GRIK2: variants seen among roughly 807,000 people sequenced by gnomAD.
The protein encoded by GRIK2 is glutamate receptor ionotropic, kainate 2.
In GRIK2, 32 loss-of-function variants were observed where a neutral mutation model predicts 100.3. The observed-to-expected ratio is 0.32, with a 90% CI of 0.24 to 0.43. GRIK2 has a LOEUF of 0.43. Ranked by LOEUF, GRIK2 falls within the 20% of genes least tolerant of loss-of-function variation. The probability of loss-of-function intolerance (pLI) is 1.00; values close to 1 mark genes in which losing one functional copy is unlikely to be tolerated. For synonymous variants in GRIK2, 417 were observed against 389.4 expected, an observed-to-expected ratio of 1.07 and a Z score of -0.83; for missense variants, 843 against 1,114.9, an observed-to-expected ratio of 0.76 and a Z score of 3.47.
intron 10 of GRIK2, among the ~76,000 whole-genome samples, chr6:101,826,758 C>T (rs980918970): frequency 2.6e-5 from 4 of 151,788 alleles, no homozygotes; most frequent in Non-Finnish European, 5.9e-5. Flanking sequence ...TAACAACCAA[C>T]TGAAGGAATT....
Position 102,055,455 on chromosome 6 carries a change from A to G in GRIK2, c.2437A>G (p.Ser813Gly). ...CCCAGAAGAGGAGAGCAAAGAGGCC[A>G]GTGCCCTGGGGGTTCAGAATATTGG... ...GCPEEESKEA[S>G]ALGVQNIGGI... The change falls in exon 16 of 17, where the codon AGT becomes GGT. Residue 813 changes from serine to glycine, a missense_variant. Around this residue, in one of 3 missense-constraint regions of GRIK2, gnomAD observed 237 missense variants for 388.0 expected, o/e 0.61. Transcript: ENST00000369134. 6.2e-7 allele frequency: 1 copy of G among 1,613,886 alleles called. No individual in the cohort carries two copies. The highest frequency in any genetic ancestry group is 8.5e-7 in the Non-Finnish European group (1 of 1,179,850).
intron 2 of GRIK2, among the ~76,000 whole-genome samples, chr6:101,572,452 A>T (rs746457546): frequency 3.3e-5 from 5 of 152,170 alleles, no homozygotes; most frequent in Non-Finnish European, 4.4e-5. Context: ...TGCTATAAGC[A>T]TTTTAAATAC....
At chr6:101,922,076 T>TTTCCTTCCCTCC (rs1789558781) in intron 12 of GRIK2, among the ~76,000 whole-genome samples, 1 of 110,220 alleles carries the variant, frequency 9.1e-6, no homozygotes, top group East Asian at 3.1e-4. Context: ...CCTTTCTCCA[T>TTTCCTTCCCTCC]TTCCTTCCTT....
chr6:101,593,375 G>A (rs1008268382), intron 2 of GRIK2, among the ~76,000 whole-genome samples: 3 of 151,784 alleles, frequency 2.0e-5, no homozygotes, highest in African/African-American at 7.3e-5. Flanking sequence ...GTCGTGTAAT[G>A]AGCATCATAA....
In GRIK2 at chr6:101,906,366, C is replaced by CTGTGTGTGTGTGTGTGTGTGTGTGTG. The variant is rs141112872; in HGVS notation, c.1748+16522_1748+16523insGTGTGTGTGTGTGTGTGTGTGTGTGT. Among the ~76,000 whole-genome samples, 1,170 of 145,892 alleles carry CTGTGTGTGTGTGTGTGTGTGTGTGTG rather than the reference C, an allele frequency of 8.0e-3. 6 individuals carry two copies. Among genetic ancestry groups the CTGTGTGTGTGTGTGTGTGTGTGTGTG allele is most frequent in the Middle Eastern group, 0.024 (7 of 290 alleles). On this transcript the variant is annotated intron_variant, in intron 12 of 16. Transcript: ENST00000369134. The stretch of plus-strand genomic sequence containing the variant: ...TTGAATCATAACTATAAAACAAGAT[C>CTGTGTGTGTGTGTGTGTGTGTGTGTG]TGTGTGTGTGTGTGTGTGTTTGTGT...
chr6:101,700,186 G>C (rs1459212730), intron 7 of GRIK2, among the ~76,000 whole-genome samples: 2 of 151,464 alleles, frequency 1.3e-5, no homozygotes, highest in East Asian at 3.9e-4. Flanking sequence ...CCTATACAAA[G>C]AGAATTTGAT....
chr6:101,588,683 CAGAAAAG>C (rs1473249480), intron 2 of GRIK2, among the ~76,000 whole-genome samples: 36 of 140,640 alleles, frequency 2.6e-4, no homozygotes, highest in African/African-American at 9.7e-4. Context: ...CACACACACA[CAGAAAAG>C]AAAGAAAGAA....
chr6:101,652,886 C>T (rs780481602), intron 4 of GRIK2, among the ~76,000 whole-genome samples: 17 of 151,580 alleles, frequency 1.1e-4, no homozygotes, highest in Non-Finnish European at 2.4e-4. Context: ...AGTTGAAATG[C>T]GTTTGTGTTT....
intron 2 of GRIK2, among the ~76,000 whole-genome samples, chr6:101,591,623 T>C (rs920303329): frequency 6.6e-6 from 1 of 151,988 alleles, no homozygotes; most frequent in Non-Finnish European, 1.5e-5. Flanking sequence ...TAGTCCCATA[T>C]TAAAATAGAA....
At chr6:101,466,192 A>G (rs1384348670) in intron 2 of GRIK2, among the ~76,000 whole-genome samples, 1 of 152,088 alleles carries the variant, frequency 6.6e-6, no homozygotes, top group East Asian at 1.9e-4. Flanking sequence ...CTTAAACTTC[A>G]TTCTTCCACT....
intron 7 of GRIK2, among the ~76,000 whole-genome samples, chr6:101,771,879 C>T (rs1422795943): frequency 6.6e-6 from 1 of 152,016 alleles, no homozygotes; most frequent in East Asian, 1.9e-4. Context: ...TTTTTTATGG[C>T]TGCATAGTAT....
intron 15 of GRIK2, among the ~76,000 whole-genome samples, chr6:102,045,482 A>C (rs182940927): frequency 7.9e-5 from 12 of 152,206 alleles, no homozygotes; most frequent in Admixed American, 7.2e-4. Context: ...CTAGATTTAG[A>C]GGATAGGATG....
intron 2 of GRIK2, among the ~76,000 whole-genome samples, chr6:101,559,441 T>C (rs1233150878): frequency 6.6e-6 from 1 of 152,102 alleles, no homozygotes; most frequent in Non-Finnish European, 1.5e-5. Flanking sequence ...ATTCATTGAA[T>C]GATTAATTGC....
chr6:101,907,787 AC>A (rs1309714409), intron 12 of GRIK2, among the ~76,000 whole-genome samples: 1 of 151,626 alleles, frequency 6.6e-6, no homozygotes, highest in African/African-American at 2.4e-5. Context: ...AAATATGACT[AC>A]GACATAAACT....
chr6:101,884,672 C>G (rs1786492933), intron 11 of GRIK2, among the ~76,000 whole-genome samples: 1 of 151,906 alleles, frequency 6.6e-6, no homozygotes, highest in Non-Finnish European at 1.5e-5. Flanking sequence ...ATGGTTAGTT[C>G]AATTGAAATT....
intron 2 of GRIK2, among the ~76,000 whole-genome samples, chr6:101,580,178 T>C (rs1415218590): frequency 1.3e-5 from 2 of 152,202 alleles, no homozygotes; most frequent in African/African-American, 4.8e-5. Context: ...TATAGATTCT[T>C]ACAGCCAACT....
intron 12 of GRIK2, among the ~76,000 whole-genome samples, chr6:101,914,368 A>G (rs899389726): frequency 1.3e-5 from 2 of 151,424 alleles, no homozygotes; most frequent in Non-Finnish European, 3.0e-5. Flanking sequence ...CCCCAGTTAC[A>G]TCTATCTGTG....
Position 101,686,329 on chromosome 6 carries a change from A to T in GRIK2, c.927A>T (p.Ser309=). 1 of 1,613,326 alleles carries T rather than the reference A, an allele frequency of 6.2e-7. No individual in the cohort carries two copies. Among genetic ancestry groups the T allele is most frequent in the African/African-American group, 1.3e-5 (1 of 75,014 alleles). ...TGCAGGCACCTCCGAAACCCGATTC[A>T]GGTTTGCTGGATGGATTTATGACGG... ...ERLQAPPKPD[S]GLLDGFMTTD... Residue 309 remains serine, a synonymous_variant, in exon 7 of 17, where the codon TCA becomes TCT. Transcript: ENST00000369134.
At chr6:101,822,780 C>T (rs955643635) in intron 10 of GRIK2, among the ~76,000 whole-genome samples, 1 of 151,844 alleles carries the variant, frequency 6.6e-6, no homozygotes, top group African/African-American at 2.4e-5. Context: ...GATGTTTATA[C>T]AGCCTAAGTA....
Sources: gnomAD v4.1 joint callset for allele counts (sites outside exome capture counted in the v4.1 genomes callset) on GRCh38, gnomAD v4.1.1 for gene constraint, gnomAD v4.1.1 regional missense constraint, MANE v1.5 for transcripts, NCBI Gene and HGNC (gene_info 2026-07-23, HGNC 2026-07-21) for gene names.